The following PTDSS1 variants were observed in gnomAD, a reference collection of about 807,000 sequenced individuals.
PTDSS1 encodes the protein PSS-1.
A neutral mutation model predicts 70.5 loss-of-function variants in PTDSS1; 45 were observed. The ratio of observed to expected loss-of-function variants is 0.64; its 90% CI spans 0.50 to 0.82. The LOEUF is 0.82. Among genes scored for constraint, PTDSS1 ranks in the 40% least tolerant of loss-of-function variants. PTDSS1 has a pLI of 0.00. For missense variants in PTDSS1, 417 were observed against 586.1 expected (o/e 0.71, Z 2.98); for synonymous variants, 188 against 203.8 (o/e 0.92, Z 0.66).
intron 6 of PTDSS1, among the ~76,000 whole-genome samples, chr8:96,301,735 C>G (rs1417625428): frequency 6.6e-6 from 1 of 151,532 alleles, no homozygotes; most frequent in African/African-American, 2.4e-5. Context: ...AGGCTGGTCT[C>G]GAACTTCTGA....
At chr8:96,317,640 TAGA>T (rs1811314206) in intron 9 of PTDSS1, among the ~76,000 whole-genome samples, 2 of 151,064 alleles carry the variant, frequency 1.3e-5, no homozygotes, top group Admixed American at 6.6e-5. Flanking sequence ...GAGGCTGAGG[TAGA>T]AGAATTGCTT....
chr8:96,291,468 T>G (rs1810902553), intron 4 of PTDSS1, among the ~76,000 whole-genome samples: 1 of 151,702 alleles, frequency 6.6e-6, no homozygotes, highest in East Asian at 1.9e-4. Flanking sequence ...TTTTTTTTTT[T>G]TGGCATAACC....
At chr8:96,329,959 T>C (rs1483227304) in intron 10 of PTDSS1, among the ~76,000 whole-genome samples, 1 of 152,224 alleles carries the variant, frequency 6.6e-6, no homozygotes, top group Non-Finnish European at 1.5e-5. Context: ...ATTGCACATC[T>C]GAAAATTGTC....
At chr8:96,276,448 G>A (rs369185001) in intron 2 of PTDSS1, among the ~76,000 whole-genome samples, 1 of 152,302 alleles carries the variant, frequency 6.6e-6, no homozygotes, top group South Asian at 2.1e-4. Flanking sequence ...TAAAACTGAA[G>A]CTCGGTTTCC....
chr8:96,304,114 G>A lies in PTDSS1; in HGVS notation c.827G>A (p.Arg276Gln), dbSNP rs1312675418. 6 of 1,613,756 alleles carry A rather than the reference G, an allele frequency of 3.7e-6. No individual in the cohort carries two copies. Among genetic ancestry groups the A allele is most frequent in the South Asian group, 2.2e-5 (2 of 91,032 alleles). ...ACTCCTGCTAGCTGGACCTATGTTC[G>A]ATGGTTTGACCCCAAATCTTCTTTT... ...QFTPASWTYVRWFDPKSSFQR... is the reference protein window; with the variant it reads ...QFTPASWTYVQWFDPKSSFQR... The change falls in exon 7 of 13, where the codon CGA (arginine) becomes CAA (glutamine). Residue 276 changes from arginine to glutamine, a missense_variant. By Grantham distance (43) the Arg-to-Gln change is conservative (BLOSUM62 1). Transcript: ENST00000517309.
chr8:96,309,642 G>A lies in PTDSS1; in HGVS notation c.1073+20G>A. 6.2e-7 allele frequency: 1 copy of A among 1,613,104 alleles called. No homozygotes were observed. Among genetic ancestry groups the A allele is most frequent in the Non-Finnish European group, 8.5e-7 (1 of 1,179,260 alleles). Reference sequence around the variant, plus strand: ...GTTTGGGTGAGTAATCTGTTATTGTGGAGATTTAAAAACCACTTAAGCCCT... The same window carrying A: ...GTTTGGGTGAGTAATCTGTTATTGTAGAGATTTAAAAACCACTTAAGCCCT... On this transcript the variant is annotated intron_variant, in intron 9 of 12. Transcript: ENST00000517309.
At chr8:96,317,349 A>C (rs1366555449) in intron 9 of PTDSS1, among the ~76,000 whole-genome samples, 2 of 152,016 alleles carry the variant, frequency 1.3e-5, no homozygotes, top group Non-Finnish European at 2.9e-5. Context: ...AGATGTGCCC[A>C]CACACACGGA....
chr8:96,265,074 C>T (rs765086747), intron 1 of PTDSS1, among the ~76,000 whole-genome samples: 3 of 152,132 alleles, frequency 2.0e-5, no homozygotes, highest in African/African-American at 4.8e-5. Flanking sequence ...TCCATAAAGA[C>T]GGAAAGTAAC....
chr8:96,264,531 G>A (rs1001773187), intron 1 of PTDSS1, among the ~76,000 whole-genome samples: 9 of 152,170 alleles, frequency 5.9e-5, no homozygotes, highest in Non-Finnish European at 1.0e-4. Flanking sequence ...TTCATCTTAG[G>A]TGTGGGCTTG....
At chr8:96,310,923 A>G (rs924164590) in intron 9 of PTDSS1, among the ~76,000 whole-genome samples, 1 of 151,844 alleles carries the variant, frequency 6.6e-6, no homozygotes, top group African/African-American at 2.4e-5. Context: ...GTGCCACCAC[A>G]CCCAGCTAAT....
chr8:96,333,642 T>C lies in PTDSS1; in HGVS notation c.*76T>C. 7.0e-7 allele frequency: 1 copy of C among 1,422,530 alleles called. No homozygotes were observed. The highest frequency in any genetic ancestry group is 9.9e-7 in the Non-Finnish European group (1 of 1,007,094). The allele number at this position is 1,422,530 out of a possible 1,614,324, so 88.1% of individuals were successfully genotyped here. ...AATGGAACTCATTTGGAACTCCCCG[T>C]GAGGAGGTCGAGGCGCACAGGGCAA... On this transcript the variant is annotated 3_prime_UTR_variant, in exon 13 of 13. Coordinates refer to ENST00000517309, the MANE Select transcript of PTDSS1 (RefSeq NM_014754.3).
At chr8:96,274,092 A>G (rs1215185937) in intron 2 of PTDSS1, among the ~76,000 whole-genome samples, 1 of 148,740 alleles carries the variant, frequency 6.7e-6, no homozygotes, top group African/African-American at 2.5e-5. Flanking sequence ...AATATTCTCT[A>G]CTTGTTCGCC....
chr8:96,261,923 T>C lies in PTDSS1; in HGVS notation c.-118T>C, dbSNP rs534935940. 4.5e-6 allele frequency: 5 copies of C among 1,112,642 alleles called. No individual in the cohort carries two copies. The highest frequency in any genetic ancestry group is 6.3e-6 in the Non-Finnish European group (5 of 797,386). The allele number at this position is 1,112,642 out of a possible 1,614,324, so 68.9% of individuals were successfully genotyped here. On this transcript the variant is annotated 5_prime_UTR_variant, in exon 1 of 13. Coordinates refer to ENST00000517309, the MANE Select transcript of PTDSS1 (RefSeq NM_014754.3). ...CCTTCCCTCTGCTCCCAGCCTTTGC[T>C]GGGCGCCAGACCCGGCTTTGCCGTC...
Position 96,262,027 on chromosome 8 carries a change from C to G in PTDSS1, c.-14C>G. The G allele has an allele frequency of 6.2e-7, 1 of 1,607,974 alleles. No homozygotes were observed. Among genetic ancestry groups the G allele is most frequent in the Non-Finnish European group, 8.5e-7 (1 of 1,176,798 alleles). On this transcript the variant is annotated 5_prime_UTR_variant, in exon 1 of 13. Transcript: ENST00000517309. The surrounding 1 kb of genome is among the most constrained non-coding windows in gnomAD (Gnocchi z 4.4). ...TGGGGCCGCCGCCACCGCGGCAGGA[C>G]GGGGAGGCGGGCCATGGCGTCCTGC...
chr8:96,329,224 G>C (rs998333760), intron 10 of PTDSS1, among the ~76,000 whole-genome samples: 4 of 152,214 alleles, frequency 2.6e-5, no homozygotes, highest in African/African-American at 9.6e-5. Context: ...CAGGGGGAGA[G>C]ATGGAGGCTC....
At chr8:96,316,936 G>A (rs534262538) in intron 9 of PTDSS1, among the ~76,000 whole-genome samples, 38 of 152,220 alleles carry the variant, frequency 2.5e-4, no homozygotes, top group Middle Eastern at 6.8e-3. Context: ...AGAGGTTGCA[G>A]TGAGCTGAGA....
intron 3 of PTDSS1, 93 bp downstream of exon 3, chr8:96,284,246 G>A: frequency 8.5e-7 from 1 of 1,172,364 alleles, no homozygotes; most frequent in Non-Finnish European, 1.2e-6. Flanking sequence ...ACTCTCAATA[G>A]TTAAAACTTT....
At chr8:96,327,068 A>G (rs1811448489) in intron 10 of PTDSS1, among the ~76,000 whole-genome samples, 1 of 152,178 alleles carries the variant, frequency 6.6e-6, no homozygotes, top group Admixed American at 6.5e-5. Context: ...AATTTGGTTC[A>G]GGGGATTTGG....
chr8:96,296,187 G>GGA (rs1810973455), intron 5 of PTDSS1, among the ~76,000 whole-genome samples: 1 of 138,492 alleles, frequency 7.2e-6, no homozygotes. Flanking sequence ...CGCCCAGGCT[G>GGA]GAGTGCAGTG....
Sources: gnomAD v4.1 joint callset for allele counts (sites outside exome capture counted in the v4.1 genomes callset) on GRCh38, gnomAD v4.1.1 for gene constraint, Gnocchi (gnomAD v3.1) non-coding constraint, MANE v1.5 for transcripts, NCBI Gene and HGNC (gene_info 2026-07-23, HGNC 2026-07-21) for gene names.